TTI1: variants seen among roughly 807,000 people sequenced by gnomAD.
TTI1 encodes the protein TELO2-interacting protein 1 homolog.
Under a neutral mutation model 85.4 loss-of-function variants are expected in TTI1, and 52 were observed. The observed-to-expected ratio is 0.61, with a 90% CI of 0.49 to 0.77. The LOEUF is 0.77. Ranked by LOEUF, TTI1 falls within the 30% of genes least tolerant of loss-of-function variation. The pLI is 0.00. For synonymous variants in TTI1, 512 were observed against 503.9 expected (o/e 1.02, Z -0.22); for missense variants, 1,173 against 1,296.0 (o/e 0.91, Z 1.46).
intron 2 of TTI1, among the ~76,000 whole-genome samples, chr20:38,009,557 G>A (rs1180849345): frequency 6.6e-6 from 1 of 151,662 alleles, no homozygotes; most frequent in Non-Finnish European, 1.5e-5. Flanking sequence ...CCAGGCTGGA[G>A]TGCAGTGGTG....
At chr20:37,995,044 C>A (rs934450300) in intron 7 of TTI1, among the ~76,000 whole-genome samples, 4 of 152,148 alleles carry the variant, frequency 2.6e-5, no homozygotes, top group Non-Finnish European at 5.9e-5. Context: ...AAGATAAACT[C>A]ATTATGTTCT....
chr20:37,985,496 T>G (rs576436508), intron 7 of TTI1, among the ~76,000 whole-genome samples: 1 of 150,896 alleles, frequency 6.6e-6, no homozygotes, highest in Admixed American at 6.6e-5. Context: ...AGGGAGGCAG[T>G]GGGGGAGTGG....
Position 37,999,263 on chromosome 20 carries a change from C to A in TTI1, c.2718G>T (p.Leu906Phe). The A allele has an allele frequency of 6.5e-7, 1 of 1,529,502 alleles. No homozygotes were observed. Among genetic ancestry groups the A allele is most frequent in the Non-Finnish European group, 8.8e-7 (1 of 1,135,892 alleles). 94.7% of individuals were successfully genotyped at this position (1,529,502 alleles called of 1,614,324 possible). The change falls in exon 5 of 8, where the codon TTG becomes TTT. Residue 906 changes from leucine (L) to phenylalanine (F), a missense_variant. By Grantham distance (22) the Leu-to-Phe change is conservative. Coordinates refer to ENST00000373447, the MANE Select transcript of TTI1 (RefSeq NM_001303457.2). ...CGAGCGAGGGCCAGGCCTGATGAGC[C>A]AAGGGAAGCAGCTGGTTTTTGTGGG... ...LQSHKNQLLP[L>F]AHQAWPSLVH... is the part of the protein sequence containing the mutation.
intron 3 of TTI1, among the ~76,000 whole-genome samples, chr20:38,005,336 T>G (rs1488551868): frequency 2.0e-5 from 3 of 152,174 alleles, no homozygotes; most frequent in Non-Finnish European, 4.4e-5. Flanking sequence ...TTCCGTGACC[T>G]GAAGCTCCAG....
chr20:38,027,761 C>T (rs1256760269), intron 1 of TTI1, among the ~76,000 whole-genome samples: 1 of 151,752 alleles, frequency 6.6e-6, no homozygotes, highest in South Asian at 2.1e-4. Flanking sequence ...CCCGTCTCTA[C>T]AAAAATACAA....
intron 7 of TTI1, among the ~76,000 whole-genome samples, chr20:37,992,355 G>A (rs1263259404): frequency 6.6e-6 from 1 of 151,826 alleles, no homozygotes; most frequent in East Asian, 1.9e-4. Context: ...GGCTCACTAT[G>A]GCCTTAACCT....
At position 38,012,640 on chromosome 20, in the gene TTI1, C is replaced by A; in HGVS notation, c.1177G>T (p.Asp393Tyr). ...TSLPRLMNSQ[D>Y]DQGKFSTLSL... ...AGAGTAGAGAATTTGCCCTGGTCAT[C>A]TTGGGAGTTCATTAGGCGAGGAAGA... The change falls in exon 2 of 8, where the codon GAT becomes TAT. Residue 393 changes from aspartate (D) to tyrosine (Y), a missense_variant. Asp to Tyr is a radical substitution (Grantham distance 160). Coordinates refer to ENST00000373447, the MANE Select transcript of TTI1 (RefSeq NM_001303457.2). The A allele has an allele frequency of 6.2e-7, 1 of 1,614,194 alleles. No homozygotes were observed. The highest frequency in any genetic ancestry group is 8.5e-7 in the Non-Finnish European group (1 of 1,180,046).
intron 7 of TTI1, among the ~76,000 whole-genome samples, chr20:37,986,087 C>T (rs2073186559): frequency 2.0e-5 from 3 of 152,176 alleles, no homozygotes; most frequent in Admixed American, 2.0e-4. Context: ...TCTATTTACA[C>T]GTGACACAGT....
chr20:38,016,035 G>A (rs779010774), intron 1 of TTI1, among the ~76,000 whole-genome samples: 2 of 152,158 alleles, frequency 1.3e-5, no homozygotes, highest in Non-Finnish European at 2.9e-5. Flanking sequence ...AGGAGGAAAT[G>A]ACAAATAACA....
At chr20:38,003,824 GCTGGCCT>G (rs2073459971) in intron 3 of TTI1, among the ~76,000 whole-genome samples, 1 of 151,898 alleles carries the variant, frequency 6.6e-6, no homozygotes. Context: ...AAGTTCCATG[GCTGGCCT>G]CTGCTCTGTC....
rs768426121 is a variant in TTI1 at position 38,012,787 on chromosome 20, T to G, written c.1030A>C (p.Ser344Arg). 2 of 1,614,166 alleles carry G rather than the reference T, an allele frequency of 1.2e-6. No homozygotes were observed. The highest frequency in any genetic ancestry group is 2.2e-5 in the East Asian group (1 of 44,882). ...TTGCACTGGGCTTGGATTTCAGGAC[T>G]CTCATCATTTACTAGTCCCACTAAG... Reference protein sequence around the residue: ...KALVGLVNDESPEIQAQCNKV... With the variant: ...KALVGLVNDERPEIQAQCNKV... Residue 344 changes from serine (S) to arginine (R), a missense_variant, in exon 2 of 8, where the codon AGT becomes CGT. Physicochemically the swap from Ser to Arg is moderately radical, Grantham distance 110. Coordinates refer to ENST00000373447, the MANE Select transcript of TTI1 (RefSeq NM_001303457.2).
chr20:38,002,677 T>C lies in TTI1; in HGVS notation c.2603A>G (p.Glu868Gly). The change falls in exon 4 of 8, where the codon GAA becomes GGA. Residue 868 changes from glutamate (E) to glycine (G), a missense_variant. Coordinates refer to ENST00000373447, the MANE Select transcript of TTI1 (RefSeq NM_001303457.2). ...ATCTGACAACAAGTGGATGCAGCGTTCCATCACGTCCATGGCTATTTGGAT... is the reference window on the plus strand; with the variant it reads ...ATCTGACAACAAGTGGATGCAGCGTCCCATCACGTCCATGGCTATTTGGAT... Reference protein sequence around the residue: ...LQIQIAMDVMERCIHLLSDKN... With the variant: ...LQIQIAMDVMGRCIHLLSDKN... 6.2e-7 allele frequency: 1 copy of C among 1,614,240 alleles called. No individual in the cohort carries two copies. The highest frequency in any genetic ancestry group is 1.3e-5 in the African/African-American group (1 of 75,060).
chr20:37,985,529 ATT>A (rs751721782), intron 7 of TTI1, among the ~76,000 whole-genome samples: 14 of 140,424 alleles, frequency 1.0e-4, no homozygotes, highest in Non-Finnish European at 1.3e-4. Context: ...AGGGCACTGA[ATT>A]TTTTTTTTTT....
At chr20:38,025,087 T>C (rs1426509185) in intron 1 of TTI1, among the ~76,000 whole-genome samples, 1 of 152,144 alleles carries the variant, frequency 6.6e-6, no homozygotes, top group African/African-American at 2.4e-5. Context: ...CACCTGGCAG[T>C]GATGAGGTAC....
At position 37,999,231 on chromosome 20, in the gene TTI1, C is replaced by T. The variant is rs539171793; in HGVS notation, c.2750G>A (p.Arg917Gln). The change falls in exon 5 of 8, where the codon CGA becomes CAA. Residue 917 changes from arginine (R) to glutamine (Q), a missense_variant. Coordinates refer to ENST00000373447, the MANE Select transcript of TTI1 (RefSeq NM_001303457.2). ...AHQAWPSLVHRLTRDAPLAVL... is the reference protein window; with the variant it reads ...AHQAWPSLVHQLTRDAPLAVL... ...TGCCAGGGGGGCGTCCCGTGTGAGT[C>T]GGTGAACGAGCGAGGGCCAGGCCTG... 3.0e-5 allele frequency: 46 copies of T among 1,514,114 alleles called. No individual in the cohort carries two copies. The highest frequency in any genetic ancestry group is 1.7e-4 in the South Asian group (13 of 76,412). 93.8% of individuals were successfully genotyped at this position (1,514,114 alleles called of 1,614,324 possible).
Position 38,011,732 on chromosome 20 carries a change from T to A in TTI1, c.2085A>T (p.Ser695=). The change falls in exon 2 of 8, where the codon TCA becomes TCT. Residue 695 remains serine, a synonymous_variant. Coordinates refer to ENST00000373447, the MANE Select transcript of TTI1 (RefSeq NM_001303457.2). ...DSLQHLINQN[S]DYLVNGISLN... ...AAGAGATCCCATTCACTAAATAGTCTGAATTTTGATTGATCAGGTGCTGCA... is the reference window on the plus strand; with the variant it reads ...AAGAGATCCCATTCACTAAATAGTCAGAATTTTGATTGATCAGGTGCTGCA... 1 of 1,614,196 alleles carries A rather than the reference T, an allele frequency of 6.2e-7. No homozygotes were observed. Among genetic ancestry groups the A allele is most frequent in the Admixed American group, 1.7e-5 (1 of 60,034 alleles).
intron 1 of TTI1, among the ~76,000 whole-genome samples, chr20:38,030,827 C>T (rs2073896857): frequency 6.6e-6 from 1 of 152,194 alleles, no homozygotes; most frequent in Non-Finnish European, 1.5e-5. Context: ...CCAACTGCCC[C>T]TTAGACATCT....
Position 37,987,290 on chromosome 20 carries a change from T to C in TTI1, c.3087-3651A>G, listed in dbSNP as rs1368075746. 4 of 456,598 alleles carry C rather than the reference T, an allele frequency of 8.8e-6. No individual in the cohort carries two copies. In the Admixed American group the frequency reaches 9.4e-5, roughly 11 times the overall value. The allele number at this position is 456,598 out of a possible 1,614,324, so 28.3% of individuals were successfully genotyped here. Reference sequence around the variant, plus strand: ...AAAGCCAAAGTTGTTGAAAACTCCTTTTGCATAAGCCAAAGCCAGAAGACA... The same window carrying C: ...AAAGCCAAAGTTGTTGAAAACTCCTCTTGCATAAGCCAAAGCCAGAAGACA... On this transcript the variant is annotated intron_variant, in intron 7 of 7. Transcript: ENST00000373447.
At position 37,999,238 on chromosome 20, in the gene TTI1, C is replaced by A; in HGVS notation, c.2743G>T (p.Val915Phe). 3 of 1,518,536 alleles carry A rather than the reference C, an allele frequency of 2.0e-6. No individual in the cohort carries two copies. The highest frequency in any genetic ancestry group is 2.6e-5 in the South Asian group (2 of 77,402). The allele number at this position is 1,518,536 out of a possible 1,614,324, so 94.1% of individuals were successfully genotyped here. Residue 915 changes from valine (V) to phenylalanine (F), a missense_variant, in exon 5 of 8, where the codon GTT (valine) becomes TTT (phenylalanine). Coordinates refer to ENST00000373447, the MANE Select transcript of TTI1 (RefSeq NM_001303457.2). ...GGGGCGTCCCGTGTGAGTCGGTGAA[C>A]GAGCGAGGGCCAGGCCTGATGAGCC... ...PLAHQAWPSLVHRLTRDAPLA... is the reference protein window; with the variant it reads ...PLAHQAWPSLFHRLTRDAPLA...
Sources: allele counts gnomAD v4.1 joint callset (sites outside exome capture counted in the v4.1 genomes callset), GRCh38; gene constraint gnomAD v4.1.1; transcripts MANE v1.5; gene names NCBI Gene and HGNC (gene_info 2026-07-23, HGNC 2026-07-21).